The following SPTAN1 variants were observed in gnomAD, a reference collection of about 807,000 sequenced individuals.
SPTAN1 encodes spectrin alpha, non-erythrocytic 1.
In SPTAN1, 61 loss-of-function variants were observed where a neutral mutation model predicts 331.3. The ratio of observed to expected loss-of-function variants is 0.18; its 90% CI spans 0.15 to 0.23. SPTAN1 has a LOEUF of 0.23. SPTAN1 is among the 10% of genes least tolerant of loss of function. SPTAN1 has a pLI of 1.00. For missense variants in SPTAN1, 2,043 were observed against 3,147.9 expected (o/e 0.65, Z 8.40); for synonymous variants, 1,153 against 1,173.9 (o/e 0.98, Z 0.36).
intron 28 of SPTAN1, 74 bp downstream of exon 28, chr9:128,603,664 G>A (rs1855456524): frequency 6.4e-7 from 1 of 1,566,498 alleles, no homozygotes; most frequent in Non-Finnish European, 8.8e-7. Context: ...CTACAGCAGA[G>A]CTCTTGTTCT....
intron 20 of SPTAN1, among the ~76,000 whole-genome samples, chr9:128,587,910 A>G (rs950056171): frequency 9.9e-5 from 15 of 151,992 alleles, no homozygotes; most frequent in Admixed American, 9.2e-4. Flanking sequence ...CAGTGGCACA[A>G]CCTCGGCTCA....
At chr9:128,590,469 C>T (rs1344016869) in intron 21 of SPTAN1, among the ~76,000 whole-genome samples, 6 of 148,248 alleles carry the variant, frequency 4.0e-5, no homozygotes, top group Middle Eastern at 3.6e-3. Flanking sequence ...TTTGGGAGGC[C>T]GAGACAGGAG....
intron 35 of SPTAN1, 38 bp from the exon 36 acceptor site, chr9:128,609,084 A>C (rs750506396): frequency 6.2e-7 from 1 of 1,614,172 alleles, no homozygotes; most frequent in Non-Finnish European, 8.5e-7. Context: ...CCACGGTAAG[A>C]TATGCTCATG....
chr9:128,599,096 A>T, intron 26 of SPTAN1, 110 bp downstream of exon 26: 1 of 1,053,484 alleles, frequency 9.5e-7, no homozygotes, highest in East Asian at 2.4e-5. Flanking sequence ...TGAACCTCAG[A>T]TGCCTTTTGT....
chr9:128,583,377 G>A, intron 15 of SPTAN1, 96 bp downstream of exon 15: 1 of 1,268,144 alleles, frequency 7.9e-7, no homozygotes, highest in Non-Finnish European at 1.1e-6. Context: ...CCCAAGAAAG[G>A]TGAGGTGGAT....
intron 12 of SPTAN1, 135 bp from the exon 13 acceptor site, chr9:128,582,344 C>A: frequency 1.3e-6 from 1 of 796,704 alleles, no homozygotes; most frequent in Admixed American, 2.1e-5. Context: ...ATGTCATCAC[C>A]AACCTTTGGG....
intron 40 of SPTAN1, among the ~76,000 whole-genome samples, chr9:128,613,725 C>A (rs1319809234): frequency 6.6e-6 from 1 of 152,134 alleles, no homozygotes; most frequent in East Asian, 1.9e-4. Flanking sequence ...ATTTTAAGGC[C>A]AGGTGCAGTG....
At chr9:128,585,127 G>A (rs1852424319) in intron 18 of SPTAN1, among the ~76,000 whole-genome samples, 1 of 150,486 alleles carries the variant, frequency 6.6e-6, no homozygotes, top group South Asian at 2.1e-4. Context: ...CAGTTCTCCT[G>A]TCTCAGCCTC....
intron 28 of SPTAN1, among the ~76,000 whole-genome samples, 158 bp downstream of exon 28, chr9:128,603,748 C>T (rs992373039): frequency 6.6e-6 from 1 of 152,250 alleles, no homozygotes; most frequent in Non-Finnish European, 1.5e-5. Flanking sequence ...TCAGCACATT[C>T]ATGGCCGCTG....
intron 22 of SPTAN1, among the ~76,000 whole-genome samples, 178 bp from the exon 23 acceptor site, chr9:128,592,805 A>G (rs775473151): frequency 6.6e-6 from 1 of 152,152 alleles, no homozygotes; most frequent in Non-Finnish European, 1.5e-5. Context: ...TTTTCCTGCT[A>G]TTTCTTTACT....
chr9:128,564,366 C>T (rs1391902019), intron 1 of SPTAN1, among the ~76,000 whole-genome samples: 1 of 151,592 alleles, frequency 6.6e-6, no homozygotes, highest in Non-Finnish European at 1.5e-5. Context: ...TTTCAATGAG[C>T]CAAGATCATG....
At chr9:128,584,665 C>A (rs1193233726) in intron 17 of SPTAN1, 56 bp from the exon 18 acceptor site, 2 of 1,614,004 alleles carry the variant, frequency 1.2e-6, no homozygotes, top group African/African-American at 2.7e-5. Context: ...AATGACAAAT[C>A]AGTGCTGACT....
In SPTAN1 at chr9:128,581,784, G is replaced by A. The variant is rs749835470; in HGVS notation, c.1464G>A (p.Ala488=). The part of the protein sequence containing the change: ...QVDNWMSKQE[A]FLLNEDLGDS... ...AACACTTTGTTTCCTTTGGCAAGGC[G>A]TTCCTGTTGAATGAAGACTTGGGAG... Residue 488 remains alanine, a splice_region_variant and synonymous_variant, in exon 12 of 57, where the codon GCG becomes GCA. Coordinates refer to ENST00000372739, the MANE Select transcript of SPTAN1 (RefSeq NM_001130438.3). 9.9e-6 allele frequency: 16 copies of A among 1,612,672 alleles called. No individual in the cohort carries two copies. Among genetic ancestry groups the A allele is most frequent in the South Asian group, 3.3e-5 (3 of 91,058 alleles).
intron 1 of SPTAN1, among the ~76,000 whole-genome samples, chr9:128,564,628 G>A (rs557656915): frequency 2.6e-5 from 4 of 152,116 alleles, no homozygotes; most frequent in South Asian, 4.1e-4. Flanking sequence ...TAGGTTGCTC[G>A]GTGTAATCAT....
chr9:128,577,409 A>G lies in SPTAN1; in HGVS notation c.988A>G (p.Thr330Ala), dbSNP rs924198534. 6 of 1,614,090 alleles carry G rather than the reference A, an allele frequency of 3.7e-6. No homozygotes were observed. The Admixed American group carries it at 6.7e-5, about 18-fold the overall frequency. Residue 330 changes from threonine (T) to alanine (A), a missense_variant, in exon 8 of 57, where the codon ACA becomes GCA. Coordinates refer to ENST00000372739, the MANE Select transcript of SPTAN1 (RefSeq NM_001130438.3). The surrounding 1 kb of genome is among the most constrained non-coding windows in gnomAD (Gnocchi z 4.2). Reference sequence around the variant, plus strand: ...GCAACAGTCCCACCCTCTGAGTGCAACACAGATTCAAGTGAAGCGAGAGGA... The same window carrying G: ...GCAACAGTCCCACCCTCTGAGTGCAGCACAGATTCAAGTGAAGCGAGAGGA... The part of the protein sequence containing the change: ...RLQQSHPLSA[T>A]QIQVKREELI...
intron 52 of SPTAN1, 95 bp from the exon 53 acceptor site, chr9:128,632,032 G>C: frequency 1.5e-6 from 2 of 1,348,914 alleles, no homozygotes; most frequent in Non-Finnish European, 2.1e-6. Context: ...CTCAGGCCAG[G>C]CCTGGAGCAG....
rs73623551 is a variant in SPTAN1 at position 128,624,569 on chromosome 9, G to C, written c.5992+82G>C. On this transcript the variant is annotated intron_variant, in intron 46 of 56. Transcript: ENST00000372739. ...TCCGTGTCATTGGTTTTCTTCTGCA[G>C]AGAAGAAACTGATCAATTGTGGGCA... is the stretch of plus-strand genomic sequence containing the variant. 2.0e-6 allele frequency: 3 copies of C among 1,509,368 alleles called. No homozygotes were observed. The African/African-American group carries it at 4.1e-5, about 21-fold the overall frequency. The allele number at this position is 1,509,368 out of a possible 1,614,324, so 93.5% of individuals were successfully genotyped here.
intron 1 of SPTAN1, among the ~76,000 whole-genome samples, chr9:128,562,417 T>C (rs375481019): frequency 6.6e-6 from 1 of 151,936 alleles, no homozygotes; most frequent in Non-Finnish European, 1.5e-5. Context: ...TGTATGATAT[T>C]AGATGGTAGG....
Position 128,562,090 on chromosome 9 carries a change from T to A in SPTAN1, c.-3-4648T>A, listed in dbSNP as rs1024990866. 2.6e-5 allele frequency among the ~76,000 whole-genome samples: 4 copies of A among 152,168 alleles called. No homozygotes were observed. The East Asian group carries it at 7.7e-4, about 29-fold the overall frequency. ...AAGACTTCATAGAGGACGAGGCATT[T>A]GCTTTGGACTCAGAGATCTGTATGA... is the stretch of plus-strand genomic sequence containing the variant. On this transcript the variant is annotated intron_variant, in intron 1 of 56. Coordinates refer to ENST00000372739, the MANE Select transcript of SPTAN1 (RefSeq NM_001130438.3).
Sources: gnomAD v4.1 joint callset for allele counts (sites outside exome capture counted in the v4.1 genomes callset) on GRCh38, gnomAD v4.1.1 for gene constraint, Gnocchi (gnomAD v3.1) non-coding constraint, MANE v1.5 for transcripts, NCBI Gene and HGNC (gene_info 2026-07-23, HGNC 2026-07-21) for gene names.